The following PHKA1 variants were observed in gnomAD, a reference collection of about 807,000 sequenced individuals.
PHKA1 encodes phosphorylase kinase regulatory subunit alpha 1.
A neutral mutation model predicts 110.2 loss-of-function variants in PHKA1; 60 were observed. The observed-to-expected ratio is 0.54, with a 90% CI of 0.44 to 0.68. PHKA1 has a LOEUF of 0.68. PHKA1 is among the 30% of genes least tolerant of loss of function. The probability of loss-of-function intolerance (pLI) is 0.00; values close to 1 mark genes in which losing one functional copy is unlikely to be tolerated. For missense variants in PHKA1, 801 were observed against 942.5 expected (o/e 0.85, Z 1.97); for synonymous variants, 316 against 333.6 (o/e 0.95, Z 0.58).
intron 8 of PHKA1, among the ~76,000 whole-genome samples, chrX:72,659,653 C>T (rs986894790): frequency 1.4e-4 from 16 of 112,074 alleles, no homozygotes; most frequent in African/African-American, 4.9e-4. Flanking sequence ...TCTCATTACC[C>T]ACTATATCTA....
At chrX:72,689,344 C>G (rs180770720) in intron 4 of PHKA1, among the ~76,000 whole-genome samples, 1 of 111,767 alleles carries the variant, frequency 8.9e-6, no homozygotes, top group East Asian at 2.8e-4. Context: ...AGTTGCCCCC[C>G]AGCCTAAGTA....
intron 4 of PHKA1, among the ~76,000 whole-genome samples, chrX:72,690,319 G>GTGTT (rs1240176197): frequency 9.0e-6 from 1 of 111,227 alleles, no homozygotes; most frequent in Non-Finnish European, 1.9e-5. Context: ...TTTTCTCTAA[G>GTGTT]TGTTTGTTAT....
intron 17 of PHKA1, 102 bp from the exon 18 acceptor site, chrX:72,623,377 A>T (rs1411953043): frequency 6.6e-5 from 41 of 624,180 alleles, no homozygotes; most frequent in Non-Finnish European, 1.0e-4. Context: ...TTGTTGGGGG[A>T]TTACTAATGT....
At position 72,620,776 on chromosome X, in the gene PHKA1, T is replaced by C; in HGVS notation, c.2086A>G (p.Thr696Ala). ...LDRFQAAVQTTCDLMSLVTKA... is the reference protein window; with the variant it reads ...LDRFQAAVQTACDLMSLVTKA... ...GTCACCAAGGACATTAAGTCGCAGG[T>C]TGTTTGCACAGCAGCTTGGAACCGA... is the stretch of plus-strand genomic sequence containing the variant. The change falls in exon 19 of 32, where the codon ACC becomes GCC. Residue 696 changes from threonine (T) to alanine (A), a missense_variant. Transcript: ENST00000373542. 1 of 1,209,999 alleles carries C rather than the reference T, an allele frequency of 8.3e-7. No individual in the cohort carries two copies. The highest frequency in any genetic ancestry group is 1.1e-6 in the Non-Finnish European group (1 of 894,967).
At chrX:72,653,354 A>ATT in intron 11 of PHKA1, 81 bp downstream of exon 11, 1 of 601,909 alleles carries the variant, frequency 1.7e-6, no homozygotes, top group Non-Finnish European at 2.8e-6. Context: ...ATTAAAAATT[A>ATT]TTTGACTCAA....
At position 72,636,749 on chromosome X, in the gene PHKA1, A is replaced by G. The variant is rs1240198601; in HGVS notation, c.1460-363T>C. Among the ~76,000 whole-genome samples, 3 of 112,700 alleles carry G rather than the reference A, an allele frequency of 2.7e-5. No individual in the cohort carries two copies. The East Asian group carries it at 8.3e-4, about 31-fold the overall frequency. ...ATATTGTTCTGAAACTGTTTTACCC[A>G]AAACACGTATTAAATATGCTTTCAT... On this transcript the variant is annotated intron_variant, in intron 14 of 31. Coordinates refer to ENST00000373542, the MANE Select transcript of PHKA1 (RefSeq NM_002637.4).
At chrX:72,618,534 T>C (rs782518675) in intron 21 of PHKA1, among the ~76,000 whole-genome samples, 176 bp downstream of exon 21, 1 of 111,896 alleles carries the variant, frequency 8.9e-6, no homozygotes, top group South Asian at 3.7e-4. Flanking sequence ...ATGAGGTATA[T>C]ATAATCCAAA....
In PHKA1 at chrX:72,605,336, C is replaced by T. The variant is rs782646796; in HGVS notation, c.2750G>A (p.Arg917Gln). ...TQPGLFAEMF[R>Q]LRIGLIIQVM... is the part of the protein sequence containing the mutation. Reference sequence around the variant, plus strand: ...TTGTATGATCAGACCAATTCGAAGTCGAAACATTTCAGCAAAGAGGCCAGG... The same window carrying T: ...TTGTATGATCAGACCAATTCGAAGTTGAAACATTTCAGCAAAGAGGCCAGG... The change falls in exon 25 of 32, where the codon CGA becomes CAA. Residue 917 changes from arginine to glutamine, a missense_variant. This residue lies in a region of PHKA1 where 502 missense variants were observed against 519.2 expected (regional missense o/e 0.97). Transcript: ENST00000373542. 13 of 1,203,650 alleles carry T rather than the reference C, an allele frequency of 1.1e-5. No individual in the cohort carries two copies. The highest frequency in any genetic ancestry group is 1.1e-4 in the African/African-American group (6 of 57,088).
intron 4 of PHKA1, among the ~76,000 whole-genome samples, chrX:72,686,860 T>G (rs2053972815): frequency 8.9e-6 from 1 of 112,041 alleles, no homozygotes; most frequent in African/African-American, 3.2e-5. Context: ...CACTTCCCTC[T>G]AAATACTTCA....
At chrX:72,647,002 C>A (rs952859843) in intron 13 of PHKA1, among the ~76,000 whole-genome samples, 1 of 109,807 alleles carries the variant, frequency 9.1e-6, no homozygotes, top group African/African-American at 3.3e-5. Flanking sequence ...TGTGGAGGTG[C>A]GTGCCTGTAA....
At chrX:72,619,686 G>A (rs2052949675) in intron 19 of PHKA1, among the ~76,000 whole-genome samples, 1 of 111,614 alleles carries the variant, frequency 9.0e-6, no homozygotes, top group Non-Finnish European at 1.9e-5. Flanking sequence ...GGCTGCTAGT[G>A]GTTAAATTTC....
chrX:72,696,972 T>C (rs946670812), intron 3 of PHKA1, among the ~76,000 whole-genome samples: 12 of 111,331 alleles, frequency 1.1e-4, no homozygotes, highest in African/African-American at 3.9e-4. Flanking sequence ...CTCTCAAAAT[T>C]TGGTTGAGAT....
In PHKA1 at chrX:72,619,246, G is replaced by A. The variant is rs1338553744; in HGVS notation, c.2197C>T (p.Leu733Phe). The A allele has an allele frequency of 2.7e-5, 32 of 1,193,414 alleles. No individual in the cohort carries two copies. The highest frequency in any genetic ancestry group is 3.6e-5 in the South Asian group (2 of 56,214). Residue 733 changes from leucine to phenylalanine, a missense_variant, in exon 20 of 32, where the codon CTT becomes TTT. Physicochemically the swap from Leu to Phe is conservative, Grantham distance 22. Around this residue, in one of 2 missense-constraint regions of PHKA1, gnomAD observed 502 missense variants for 519.2 expected, o/e 0.97. Transcript: ENST00000373542. The stretch of plus-strand genomic sequence containing the variant: ...TCCTGTCGGGGATGAGGTGAATCAA[G>A]TAAGTTGAATGAAGGCCGGGAAGCC... ...FQASRPSFNLLDSPHPRQENQ... is the reference protein window; with the variant it reads ...FQASRPSFNLFDSPHPRQENQ...
In PHKA1 at chrX:72,657,677, C is replaced by T. The variant is rs149351716; in HGVS notation, c.865-36G>A. 6.8e-4 allele frequency: 737 copies of T among 1,086,987 alleles called. 2 individuals carry two copies. The African/African-American group carries it at 0.012, about 18-fold the overall frequency. The allele number at this position is 1,086,987 out of a possible 1,213,427, so 89.6% of individuals were successfully genotyped here. On this transcript the variant is annotated intron_variant, in intron 8 of 31. Transcript: ENST00000373542. Reference sequence around the variant, plus strand: ...AAAGAAAAAAGGTCAGCAGCTTGTACACTGGTACGGCCATGTAATTAATCA... The same window carrying T: ...AAAGAAAAAAGGTCAGCAGCTTGTATACTGGTACGGCCATGTAATTAATCA...
At chrX:72,675,620 T>C (rs1306018030) in intron 6 of PHKA1, among the ~76,000 whole-genome samples, 1 of 110,816 alleles carries the variant, frequency 9.0e-6, no homozygotes, top group Non-Finnish European at 1.9e-5. Context: ...GATGAAAAAG[T>C]AGAGCCAAGT....
At chrX:72,626,812 T>G (rs1556283208) in intron 17 of PHKA1, among the ~76,000 whole-genome samples, 159 bp downstream of exon 17, 1 of 111,863 alleles carries the variant, frequency 8.9e-6, no homozygotes, top group Non-Finnish European at 1.9e-5. Context: ...CTCACCTATT[T>G]GCAGACTACA....
At chrX:72,690,870 CGAT>C (rs1436215061) in intron 4 of PHKA1, among the ~76,000 whole-genome samples, 2 of 111,953 alleles carry the variant, frequency 1.8e-5, no homozygotes, top group Non-Finnish European at 3.8e-5. Context: ...CGGGTTCAAG[CGAT>C]TCTCCTGCCT....
In PHKA1 at chrX:72,580,240, C is replaced by T. The variant is rs782346686; in HGVS notation, c.*762G>A. The T allele has an allele frequency of 8.9e-6, 1 of 112,075 alleles. No individual in the cohort carries two copies. Among genetic ancestry groups the T allele is most frequent in the Non-Finnish European group, 1.9e-5 (1 of 53,285 alleles). The allele number at this position is 112,075 out of a possible 1,213,427, so 9.2% of individuals were successfully genotyped here. A position where few individuals can be genotyped will look rare whatever the true frequency, so the allele number is the denominator to read the frequency against. On this transcript the variant is annotated 3_prime_UTR_variant, in exon 32 of 32. Coordinates refer to ENST00000373542, the MANE Select transcript of PHKA1 (RefSeq NM_002637.4). The stretch of plus-strand genomic sequence containing the variant: ...TATTCTGCATTTTCTGCTGCAAATA[C>T]AACTCTGAGTACCAACAATCTTTAT...
At chrX:72,673,852 C>T (rs1240739860) in intron 6 of PHKA1, among the ~76,000 whole-genome samples, 14 of 108,653 alleles carry the variant, frequency 1.3e-4, no homozygotes, top group East Asian at 1.2e-3. Flanking sequence ...ATGTACACAA[C>T]GTGCAGGTTT....
Sources: gnomAD v4.1 joint callset for allele counts (sites outside exome capture counted in the v4.1 genomes callset) on GRCh38, gnomAD v4.1.1 for gene constraint, gnomAD v4.1.1 regional missense constraint, MANE v1.5 for transcripts, NCBI Gene and HGNC (gene_info 2026-07-23, HGNC 2026-07-21) for gene names.